Variants in MDGA2 observed in about 807,000 individuals in gnomAD.
MDGA2 encodes MAM domain-containing glycosylphosphatidylinositol anchor protein 2.
MDGA2 carries 40 observed loss-of-function variants against 117.8 expected under a neutral mutation model. That is an observed-to-expected ratio of 0.34 (90% CI 0.26 to 0.44). The LOEUF (loss-of-function observed/expected upper bound fraction) is 0.44. Among genes scored for constraint, MDGA2 ranks in the 20% least tolerant of loss-of-function variants. The pLI, the probability that MDGA2 is intolerant of heterozygous loss-of-function variation, is 1.00. For missense variants in MDGA2, 1,123 were observed against 1,250.6 expected (o/e 0.90, Z 1.54); for synonymous variants, 452 against 439.0 (o/e 1.03, Z -0.37).
At chr14:47,159,032 T>C (rs1883524487) in intron 3 of MDGA2, among the ~76,000 whole-genome samples, 1 of 152,094 alleles carries the variant, frequency 6.6e-6, no homozygotes, top group African/African-American at 2.4e-5. Flanking sequence ...TGCCAAACAT[T>C]TGTAGGGAAG....
intron 1 of MDGA2, among the ~76,000 whole-genome samples, chr14:47,546,217 T>C (rs1173534593): frequency 1.3e-5 from 2 of 152,076 alleles, no homozygotes; most frequent in African/African-American, 4.8e-5. Flanking sequence ...TTAAGCAGAA[T>C]GATATAGCTT....
rs1254985548 is a variant in MDGA2 at position 46,931,660 on chromosome 14, C to G, written c.2090-11500G>C. Among the ~76,000 whole-genome samples, 3 of 151,294 alleles carry G rather than the reference C, an allele frequency of 2.0e-5. No individual in the cohort carries two copies. The East Asian group carries it at 5.9e-4, about 30-fold the overall frequency. ...GCCTCAGCCTCCTGAGTAGCGGGGA[C>G]TAGAGGCATGAGCCACCACACTCAG... On this transcript the variant is annotated intron_variant, in intron 9 of 16. Coordinates refer to ENST00000399232, the MANE Select transcript of MDGA2 (RefSeq NM_001113498.3).
chr14:47,176,792 T>C (rs1337267168), intron 3 of MDGA2, among the ~76,000 whole-genome samples: 3 of 151,958 alleles, frequency 2.0e-5, no homozygotes, highest in Non-Finnish European at 2.9e-5. Context: ...AAAGCCAAAA[T>C]TGACAAATGG....
At chr14:47,496,692 TTATAA>T (rs1194571389) in intron 1 of MDGA2, among the ~76,000 whole-genome samples, 7 of 151,306 alleles carry the variant, frequency 4.6e-5, no homozygotes, top group African/African-American at 1.5e-4. Context: ...GTTTAATTAA[TTATAA>T]TATATATATT....
At chr14:47,658,869 T>A (rs1179867813) in intron 1 of MDGA2, among the ~76,000 whole-genome samples, 2 of 152,160 alleles carry the variant, frequency 1.3e-5, no homozygotes, top group African/African-American at 4.8e-5. Context: ...TGAAGGTCCA[T>A]CCCAACTCTA....
At chr14:47,539,072 C>A (rs983433246) in intron 1 of MDGA2, among the ~76,000 whole-genome samples, 6 of 152,124 alleles carry the variant, frequency 3.9e-5, no homozygotes, top group African/African-American at 1.4e-4. Context: ...GTGGAAACTT[C>A]CCTCAGGGTA....
At chr14:47,522,739 T>A (rs185449569) in intron 1 of MDGA2, among the ~76,000 whole-genome samples, 1 of 152,356 alleles carries the variant, frequency 6.6e-6, no homozygotes, top group African/African-American at 2.4e-5. Flanking sequence ...TACTTTATAG[T>A]ATTTCGAAAA....
intron 9 of MDGA2, among the ~76,000 whole-genome samples, chr14:46,947,858 TA>T (rs1346174734): frequency 2.0e-5 from 3 of 152,068 alleles, no homozygotes; most frequent in African/African-American, 7.2e-5. Flanking sequence ...TCTCAGTTAT[TA>T]TTTTTTTCAT....
intron 1 of MDGA2, among the ~76,000 whole-genome samples, chr14:47,368,744 AG>A (rs1278967624): frequency 1.4e-4 from 22 of 151,900 alleles, no homozygotes; most frequent in African/African-American, 4.8e-4. Context: ...TAAAACTTTG[AG>A]TTCAGAATGA....
intron 8 of MDGA2, among the ~76,000 whole-genome samples, chr14:47,000,209 A>G (rs377647298): frequency 2.7e-5 from 4 of 150,150 alleles, no homozygotes; most frequent in South Asian, 2.1e-4. Flanking sequence ...AGACATAATT[A>G]TATCTATTTA....
intron 1 of MDGA2, among the ~76,000 whole-genome samples, chr14:47,412,797 C>A (rs1459333729): frequency 6.6e-6 from 1 of 152,156 alleles, no homozygotes; most frequent in Admixed American, 6.6e-5. Context: ...ACACACAAAC[C>A]ACATGTTGCC....
At chr14:47,483,870 C>T (rs1041982671) in intron 1 of MDGA2, among the ~76,000 whole-genome samples, 2 of 152,062 alleles carry the variant, frequency 1.3e-5, no homozygotes, top group Non-Finnish European at 2.9e-5. Context: ...TATTCTAGCC[C>T]CCAAGAAGTG....
rs531647107 is a variant in MDGA2, at chr14:47,672,756, A to C, written c.280+1761T>G. Among the ~76,000 whole-genome samples the C allele has an allele frequency of 2.4e-4, 37 of 152,334 alleles. No individual in the cohort carries two copies. In the South Asian group the frequency reaches 7.3e-3, roughly 30 times the overall value. On this transcript the variant is annotated intron_variant, in intron 1 of 16. Coordinates refer to ENST00000399232, the MANE Select transcript of MDGA2 (RefSeq NM_001113498.3). ...GAATTCAGACTCTCCCATCCTAAGGAACAGCCCTTTGAGAAAGCTTTATCT... is the reference window on the plus strand; with the variant it reads ...GAATTCAGACTCTCCCATCCTAAGGCACAGCCCTTTGAGAAAGCTTTATCT...
chr14:46,890,839 A>C (rs1243916843), intron 10 of MDGA2, among the ~76,000 whole-genome samples: 1 of 152,170 alleles, frequency 6.6e-6, no homozygotes, highest in Non-Finnish European at 1.5e-5. Flanking sequence ...AATAGAAGTA[A>C]TAGAAAAAGT....
intron 1 of MDGA2, among the ~76,000 whole-genome samples, chr14:47,426,023 G>T (rs1030319664): frequency 1.3e-5 from 2 of 151,782 alleles, no homozygotes; most frequent in Non-Finnish European, 2.9e-5. Flanking sequence ...GTGTCCTCCA[G>T]TCTGGGAGGG....
chr14:47,668,844 T>C (rs1018424112), intron 1 of MDGA2, among the ~76,000 whole-genome samples: 3 of 152,218 alleles, frequency 2.0e-5, no homozygotes, highest in African/African-American at 7.2e-5. Flanking sequence ...CCAAAGAGCA[T>C]AAGCTCTCGA....
At chr14:47,387,510 C>G (rs920977137) in intron 1 of MDGA2, among the ~76,000 whole-genome samples, 1 of 152,128 alleles carries the variant, frequency 6.6e-6, no homozygotes, top group African/African-American at 2.4e-5. Context: ...CTCTATTACT[C>G]TCCTTTGTAC....
chr14:47,366,586 A>T (rs1318135945), intron 1 of MDGA2, among the ~76,000 whole-genome samples: 1 of 152,116 alleles, frequency 6.6e-6, no homozygotes, highest in Non-Finnish European at 1.5e-5. Flanking sequence ...GTGCTCTACT[A>T]ATCACTCAAT....
At chr14:47,335,759 T>TATATATATATATATATATAC (rs1555374528) in intron 1 of MDGA2, among the ~76,000 whole-genome samples, 3 of 144,640 alleles carry the variant, frequency 2.1e-5, no homozygotes, top group African/African-American at 5.2e-5. Flanking sequence ...CATACATACA[T>TATATATATATATATATATAC]ACAGGATCAC....
Sources: gnomAD v4.1 joint callset for allele counts (sites outside exome capture counted in the v4.1 genomes callset) on GRCh38, gnomAD v4.1.1 for gene constraint, MANE v1.5 for transcripts, NCBI Gene and HGNC (gene_info 2026-07-23, HGNC 2026-07-21) for gene names.